The following CNIH3 variants were observed in gnomAD, a reference collection of about 807,000 sequenced individuals.
CNIH3 encodes the protein protein cornichon homolog 3.
Under a neutral mutation model 24.1 loss-of-function variants are expected in CNIH3, and 14 were observed. The observed-to-expected ratio is 0.58, with a 90% CI of 0.38 to 0.91. CNIH3 has a LOEUF of 0.91. Among genes scored for constraint, CNIH3 ranks in the 40% least tolerant of loss-of-function variants. The pLI, the probability that CNIH3 is intolerant of heterozygous loss-of-function variation, is 0.00. For missense variants in CNIH3, 178 were observed against 196.8 expected (o/e 0.90, Z 0.57); for synonymous variants, 68 against 73.8 (o/e 0.92, Z 0.40).
chr1:224,716,340 T>C lies in CNIH3; in HGVS notation c.199-14122T>C, dbSNP rs142994042. Among the ~76,000 whole-genome samples the C allele has an allele frequency of 1.6e-3, 242 of 152,342 alleles. 1 individual carries two copies. In the Middle Eastern group the frequency reaches 0.017, roughly 11 times the overall value. On this transcript the variant is annotated intron_variant, in intron 3 of 5. Transcript: ENST00000272133. ...ATTCTCCTTCATAAAAACATGTGTTTTCTACACTAGCCTATAAGCCTATAA... is the reference window on the plus strand; with the variant it reads ...ATTCTCCTTCATAAAAACATGTGTTCTCTACACTAGCCTATAAGCCTATAA...
At chr1:224,445,574 T>TAAAAAAAA (rs369951294) in intron 1 of CNIH3, among the ~76,000 whole-genome samples, 1 of 90,418 alleles carries the variant, frequency 1.1e-5, no homozygotes, top group Non-Finnish European at 1.9e-5. Context: ...GGACTCTGCT[T>TAAAAAAAA]AAAAAAAAAA....
At chr1:224,619,312 T>C (rs1683173379) in intron 1 of CNIH3, among the ~76,000 whole-genome samples, 1 of 152,236 alleles carries the variant, frequency 6.6e-6, no homozygotes, top group Admixed American at 6.5e-5. Flanking sequence ...ACTGGCTCTA[T>C]CCTCCAGCTT....
At position 224,684,827 on chromosome 1, in the gene CNIH3, G is replaced by C; in HGVS notation, c.182G>C (p.Cys61Ser). ...CGGTTGAGGAACATCGAGCGCATCT[G>C]CTTCCTTCTGCGAAAGGTCAGTGTG... Reference protein sequence around the residue: ...RERLRNIERICFLLRKLVLPE... With the variant: ...RERLRNIERISFLLRKLVLPE... The change falls in exon 3 of 6, where the codon TGC (cysteine) becomes TCC (serine). Residue 61 changes from cysteine to serine, a missense_variant. Physicochemically the swap from Cys to Ser is moderately radical, Grantham distance 112. Transcript: ENST00000272133. This position sits in a 1 kb window ranked among gnomAD's most constrained non-coding sequence, Gnocchi z 4.2. 1.2e-6 allele frequency: 2 copies of C among 1,614,156 alleles called. No individual in the cohort carries two copies. Among genetic ancestry groups the C allele is most frequent in the Non-Finnish European group, 1.7e-6 (2 of 1,179,972 alleles).
intron 2 of CNIH3, among the ~76,000 whole-genome samples, chr1:224,545,357 G>A (rs712089): frequency 0.075 from 11,339 of 152,116 alleles, 1,377 homozygotes; most frequent in African/African-American, 0.25. Context: ...CTATTATAAC[G>A]TTCAGAGTCT....
At chr1:224,515,583 T>G (rs781506894), upstream of CNIH3, among the ~76,000 whole-genome samples, 1 of 152,226 alleles carries the variant, frequency 6.6e-6, no homozygotes, top group Non-Finnish European at 1.5e-5. Flanking sequence ...TAACAACTTG[T>G]CAGGTCTGCC....
At chr1:224,483,545 A>G (rs1416066368) in intron 1 of CNIH3, among the ~76,000 whole-genome samples, 1 of 151,366 alleles carries the variant, frequency 6.6e-6, no homozygotes, top group East Asian at 2.0e-4. Flanking sequence ...ACATGCCACC[A>G]CACCCGGCTA....
upstream of CNIH3, among the ~76,000 whole-genome samples, chr1:224,510,872 C>T (rs1177912093): frequency 6.6e-6 from 1 of 152,182 alleles, no homozygotes; most frequent in Middle Eastern, 3.2e-3. Context: ...CCCTTCCTCC[C>T]TGGCTTTGTC....
chr1:224,627,935 T>G (rs1218685084), intron 1 of CNIH3, among the ~76,000 whole-genome samples: 1 of 152,114 alleles, frequency 6.6e-6, no homozygotes, highest in African/African-American at 2.4e-5. Flanking sequence ...ATGATTAGAT[T>G]ACTCCAGCCG....
At chr1:224,727,520 T>C (rs1432185890) in intron 3 of CNIH3, among the ~76,000 whole-genome samples, 1 of 152,202 alleles carries the variant, frequency 6.6e-6, no homozygotes, top group Admixed American at 6.5e-5. Flanking sequence ...ACATCACTTC[T>C]GCCCACAGCC....
intron 1 of CNIH3, among the ~76,000 whole-genome samples, chr1:224,462,187 C>T (rs562508350): frequency 6.6e-6 from 1 of 152,222 alleles, no homozygotes; most frequent in Admixed American, 6.5e-5. Flanking sequence ...CCATAGTTTA[C>T]AGTAGGGTTG....
At chr1:224,651,813 G>C (rs1229756731) in intron 1 of CNIH3, among the ~76,000 whole-genome samples, 1 of 152,082 alleles carries the variant, frequency 6.6e-6, no homozygotes, top group African/African-American at 2.4e-5. Context: ...CTTACCTAGT[G>C]GTGTCTATTT....
intron 4 of CNIH3, among the ~76,000 whole-genome samples, chr1:224,570,769 T>A (rs971709067): frequency 3.3e-5 from 5 of 152,230 alleles, no homozygotes; most frequent in Non-Finnish European, 7.3e-5. Context: ...CAATCTTTCT[T>A]ACTGAATGTT....
intron 1 of CNIH3, among the ~76,000 whole-genome samples, chr1:224,436,218 C>T (rs1464904465): frequency 6.6e-6 from 1 of 152,060 alleles, no homozygotes; most frequent in East Asian, 1.9e-4. Context: ...CACCTGAGGC[C>T]GACCTGAGTT....
At chr1:224,440,818 G>GTTT (rs1207663279) in intron 1 of CNIH3, among the ~76,000 whole-genome samples, 5 of 142,712 alleles carry the variant, frequency 3.5e-5, no homozygotes, top group Non-Finnish European at 4.6e-5. Flanking sequence ...ACAGTATTAA[G>GTTT]TTTTTTTTTT....
intron 1 of CNIH3, among the ~76,000 whole-genome samples, chr1:224,657,483 A>C (rs1311194510): frequency 1.3e-5 from 2 of 152,212 alleles, no homozygotes; most frequent in Non-Finnish European, 2.9e-5. Context: ...TCAATTGTTA[A>C]AGGCTATCAA....
At chr1:224,681,545 C>T (rs999135967) in intron 2 of CNIH3, among the ~76,000 whole-genome samples, 10 of 152,176 alleles carry the variant, frequency 6.6e-5, no homozygotes, top group Admixed American at 4.6e-4. Flanking sequence ...TTGGTGCAGT[C>T]TGATTGTCCT....
rs140541162 is a variant in CNIH3, at chr1:224,622,954, G to A, written c.81+5699G>A. Among the ~76,000 whole-genome samples, 49 of 152,326 alleles carry A rather than the reference G, an allele frequency of 3.2e-4. 1 individual carries two copies. The highest frequency in any genetic ancestry group is 3.4e-3 in the Middle Eastern group (1 of 294). ...CTTCAGTAGCTGTGCTATCTGGATG[G>A]TGCCTTTGCCACCATCATCTGACTC... On this transcript the variant is annotated intron_variant, in intron 1 of 5. Coordinates refer to ENST00000272133, the MANE Select transcript of CNIH3 (RefSeq NM_152495.2).
intron 1 of CNIH3, among the ~76,000 whole-genome samples, chr1:224,443,498 G>C (rs1015000231): frequency 1.3e-5 from 2 of 152,068 alleles, no homozygotes; most frequent in African/African-American, 4.8e-5. Context: ...GATAGCATAA[G>C]CTTAATATCG....
intron 3 of CNIH3, among the ~76,000 whole-genome samples, chr1:224,709,097 G>A (rs945957777): frequency 1.7e-4 from 26 of 152,274 alleles, no homozygotes; most frequent in Non-Finnish European, 8.8e-5. Context: ...ACCACCACGC[G>A]CGTCTGTCTA....
Sources: gnomAD v4.1 joint callset for allele counts (sites outside exome capture counted in the v4.1 genomes callset) on GRCh38, gnomAD v4.1.1 for gene constraint, Gnocchi (gnomAD v3.1) non-coding constraint, MANE v1.5 for transcripts, NCBI Gene and HGNC (gene_info 2026-07-23, HGNC 2026-07-21) for gene names.